The following PCDH17 variants were observed in gnomAD, a reference collection of about 807,000 sequenced individuals.
PCDH17 encodes protocadherin-17.
PCDH17 carries 21 observed loss-of-function variants against 67.7 expected under a neutral mutation model. That is an observed-to-expected ratio of 0.31 (90% CI 0.22 to 0.45). PCDH17 has a LOEUF of 0.45. PCDH17 is among the 20% of genes least tolerant of loss of function. The pLI is 1.00. For missense variants in PCDH17, 1,471 were observed against 1,564.8 expected (o/e 0.94, Z 1.01); for synonymous variants, 701 against 656.7 (o/e 1.07, Z -1.03).
chr13:57,650,218 T>TTGTGTGTG (rs67398023), intron 1 of PCDH17, among the ~76,000 whole-genome samples: 16,270 of 137,368 alleles, frequency 0.12, 1,139 homozygotes, highest in South Asian at 0.21. Context: ...GGACCCTTGA[T>TTGTGTGTG]TGTGTGTGTG....
chr13:57,714,384 G>A (rs1005786967), intron 3 of PCDH17, among the ~76,000 whole-genome samples: 1 of 151,642 alleles, frequency 6.6e-6, no homozygotes, highest in Non-Finnish European at 1.5e-5. Context: ...TGGTTTAATA[G>A]GCATGTTTTC....
At chr13:57,675,542 G>T (rs1955383219) in intron 3 of PCDH17, among the ~76,000 whole-genome samples, 1 of 151,900 alleles carries the variant, frequency 6.6e-6, no homozygotes, top group Non-Finnish European at 1.5e-5. Flanking sequence ...CAGATTTAGG[G>T]AATCAAAGAG....
At chr13:57,692,140 A>T (rs1033077203) in intron 3 of PCDH17, among the ~76,000 whole-genome samples, 1 of 151,214 alleles carries the variant, frequency 6.6e-6, no homozygotes, top group African/African-American at 2.4e-5. Flanking sequence ...ATTTTCTGGT[A>T]TCCAAACAGT....
chr13:57,720,381 G>T (rs1424579437), intron 3 of PCDH17, among the ~76,000 whole-genome samples: 2 of 151,954 alleles, frequency 1.3e-5, no homozygotes, highest in Non-Finnish European at 2.9e-5. Flanking sequence ...AGATTAAAAT[G>T]TTGCTTATTG....
chr13:57,667,735 A>C (rs192111506), intron 3 of PCDH17, among the ~76,000 whole-genome samples: 59 of 147,842 alleles, frequency 4.0e-4, no homozygotes, highest in Admixed American at 1.3e-3. Flanking sequence ...GATTTATAGA[A>C]AGTTAATTTT....
At chr13:57,683,926 C>A (rs1955482056) in intron 3 of PCDH17, among the ~76,000 whole-genome samples, 1 of 151,710 alleles carries the variant, frequency 6.6e-6, no homozygotes, top group Admixed American at 6.6e-5. Context: ...TTGCTGAAAG[C>A]AATAAGAAGA....
intron 3 of PCDH17, among the ~76,000 whole-genome samples, chr13:57,672,875 A>G (rs1230276874): frequency 6.6e-6 from 1 of 152,002 alleles, no homozygotes; most frequent in Non-Finnish European, 1.5e-5. Context: ...CCCAATAGCA[A>G]GATGCAGACT....
intron 1 of PCDH17, among the ~76,000 whole-genome samples, chr13:57,665,651 A>G (rs1955243391): frequency 6.6e-6 from 1 of 152,154 alleles, no homozygotes. Context: ...AGGGAAATCT[A>G]TGAAAGATCC....
At chr13:57,717,343 C>T (rs1283990945) in intron 3 of PCDH17, among the ~76,000 whole-genome samples, 1 of 151,982 alleles carries the variant, frequency 6.6e-6, no homozygotes, top group Non-Finnish European at 1.5e-5. Flanking sequence ...ATATCAAATA[C>T]TGTTTTGCAT....
At chr13:57,708,097 A>T (rs1167090043) in intron 3 of PCDH17, among the ~76,000 whole-genome samples, 1 of 152,054 alleles carries the variant, frequency 6.6e-6, no homozygotes, top group Non-Finnish European at 1.5e-5. Flanking sequence ...TGTGTACTTT[A>T]TGTGACTCTG....
chr13:57,690,856 G>T (rs900570362), intron 3 of PCDH17, among the ~76,000 whole-genome samples: 5 of 151,316 alleles, frequency 3.3e-5, no homozygotes, highest in African/African-American at 1.2e-4. Context: ...TTCACTAATT[G>T]CATTACTCTA....
In PCDH17 at chr13:57,724,608, G is replaced by A; in HGVS notation, c.2798-4G>A. On this transcript the variant is annotated splice_region_variant and splice_polypyrimidine_tract_variant and intron_variant, in intron 3 of 3. Transcript: ENST00000377918. ...GATTTGCTGTTTTCTCTTTTGTTTTGCAGAACCAGAAGAGTGTGTTAATTG... is the reference window on the plus strand; with the variant it reads ...GATTTGCTGTTTTCTCTTTTGTTTTACAGAACCAGAAGAGTGTGTTAATTG... 1 of 1,598,046 alleles carries A rather than the reference G, an allele frequency of 6.3e-7. No homozygotes were observed. Among genetic ancestry groups the A allele is most frequent in the Non-Finnish European group, 8.5e-7 (1 of 1,169,624 alleles).
chr13:57,686,283 T>C (rs1003270345), intron 3 of PCDH17, among the ~76,000 whole-genome samples: 3 of 151,938 alleles, frequency 2.0e-5, no homozygotes, highest in African/African-American at 7.2e-5. Context: ...AATTTTAAAT[T>C]TATTTTAAAA....
At chr13:57,681,443 A>G (rs1294737688) in intron 3 of PCDH17, among the ~76,000 whole-genome samples, 2 of 151,740 alleles carry the variant, frequency 1.3e-5, no homozygotes, top group Admixed American at 1.3e-4. Flanking sequence ...TACCTTGCTT[A>G]GCATTTACTC....
intron 1 of PCDH17, among the ~76,000 whole-genome samples, chr13:57,655,389 T>G (rs1428787429): frequency 6.6e-6 from 1 of 151,998 alleles, no homozygotes; most frequent in Non-Finnish European, 1.5e-5. Flanking sequence ...ATAAAGTTTC[T>G]TATTTTAGTG....
chr13:57,643,368 T>G (rs1257395189), intron 1 of PCDH17, among the ~76,000 whole-genome samples: 1 of 151,696 alleles, frequency 6.6e-6, no homozygotes, highest in Non-Finnish European at 1.5e-5. Context: ...AGAATATTTT[T>G]CAGTTCAAAC....
At chr13:57,723,720 A>G (rs1012517416) in intron 3 of PCDH17, among the ~76,000 whole-genome samples, 2 of 152,234 alleles carry the variant, frequency 1.3e-5, no homozygotes, top group African/African-American at 2.4e-5. Context: ...TATTGGGGTC[A>G]ATGGAAGTAT....
intron 1 of PCDH17, among the ~76,000 whole-genome samples, chr13:57,642,034 G>A (rs1260585923): frequency 6.6e-6 from 1 of 151,366 alleles, no homozygotes; most frequent in Non-Finnish European, 1.5e-5. Context: ...AATGTTTAAC[G>A]ATCTGTATTA....
At chr13:57,723,480 C>G (rs1167563272) in intron 3 of PCDH17, among the ~76,000 whole-genome samples, 2 of 152,130 alleles carry the variant, frequency 1.3e-5, no homozygotes, top group Non-Finnish European at 2.9e-5. Context: ...TTTTCTTGCA[C>G]AGGACACTCT....
Sources: allele counts gnomAD v4.1 joint callset (sites outside exome capture counted in the v4.1 genomes callset), GRCh38; gene constraint gnomAD v4.1.1; transcripts MANE v1.5; gene names NCBI Gene and HGNC (gene_info 2026-07-23, HGNC 2026-07-21).